Variants in AKAP8L observed in about 807,000 individuals in gnomAD.
AKAP8L encodes the protein A-kinase anchoring protein 8 like.
Under a neutral mutation model 77.5 loss-of-function variants are expected in AKAP8L, and 34 were observed. That is an observed-to-expected ratio of 0.44 (90% confidence interval 0.33 to 0.58). The LOEUF (loss-of-function observed/expected upper bound fraction) is 0.58. AKAP8L is among the 20% of genes least tolerant of loss of function. The probability of loss-of-function intolerance (pLI) is 0.02; values close to 1 mark genes in which losing one functional copy is unlikely to be tolerated. For missense variants in AKAP8L, 806 were observed against 887.6 expected (o/e 0.91, Z 1.17); for synonymous variants, 342 against 340.7 (o/e 1.00, Z -0.04).
At chr19:15,383,147 C>CAACT (rs1260437042) in intron 12 of AKAP8L, 1 of 152,200 alleles carries the variant, frequency 6.6e-6, no homozygotes, top group African/African-American at 2.4e-5. Flanking sequence ...ATTTGTGACT[C>CAACT]AACTACAAGG....
intron 12 of AKAP8L, among the ~76,000 whole-genome samples, chr19:15,389,639 T>G (rs1309504995): frequency 2.6e-5 from 4 of 152,046 alleles, no homozygotes; most frequent in Admixed American, 2.0e-4. Flanking sequence ...GGCATGGTGG[T>G]GTGCACCTGT....
chr19:15,403,958 C>A lies in AKAP8L; in HGVS notation c.121+52G>T. On this transcript the variant is annotated intron_variant, in intron 3 of 13. Transcript: ENST00000397410. This position sits in a 1 kb window ranked among gnomAD's most constrained non-coding sequence, Gnocchi z 4.3. The stretch of plus-strand genomic sequence containing the variant: ...CAAGCAGGGCAGTGGCAGAGAAACA[C>A]AGCCAGGACAACCCCAAGGGACAGG... 6.2e-7 allele frequency: 1 copy of A among 1,607,330 alleles called. No individual in the cohort carries two copies. Among genetic ancestry groups the A allele is most frequent in the Non-Finnish European group, 8.5e-7 (1 of 1,175,284 alleles).
Position 15,403,856 on chromosome 19 carries a change from G to A in AKAP8L, c.122-141C>T, listed in dbSNP as rs1485403424. ...TAGCCACTGAAGCTAGATGGGCCCTGGTCATTCTGATGAGGGCCTCCTGTT... is the reference window on the plus strand; with the variant it reads ...TAGCCACTGAAGCTAGATGGGCCCTAGTCATTCTGATGAGGGCCTCCTGTT... On this transcript the variant is annotated intron_variant, in intron 3 of 13. Coordinates refer to ENST00000397410, the MANE Select transcript of AKAP8L (RefSeq NM_014371.4). The surrounding 1 kb of genome is among the most constrained non-coding windows in gnomAD (Gnocchi z 4.3). 21 of 1,059,162 alleles carry A rather than the reference G, an allele frequency of 2.0e-5. No individual in the cohort carries two copies. The highest frequency in any genetic ancestry group is 2.7e-5 in the Non-Finnish European group (19 of 712,620). The allele number at this position is 1,059,162 out of a possible 1,614,324, so 65.6% of individuals were successfully genotyped here. A position where few individuals can be genotyped will look rare whatever the true frequency, so the allele number is the denominator to read the frequency against.
In AKAP8L at chr19:15,401,057, G is replaced by T. The variant is rs370735649; in HGVS notation, c.817-14C>A. On this transcript the variant is annotated splice_polypyrimidine_tract_variant and intron_variant, in intron 5 of 13. Coordinates refer to ENST00000397410, the MANE Select transcript of AKAP8L (RefSeq NM_014371.4). The surrounding 1 kb of genome is among the most constrained non-coding windows in gnomAD (Gnocchi z 6.2). ...CTTCTTCTTGGTCTGGGTCATAAGGGGGGGAAGCCGTGTCAGGGTGCATGG... is the reference window on the plus strand; with the variant it reads ...CTTCTTCTTGGTCTGGGTCATAAGGTGGGGAAGCCGTGTCAGGGTGCATGG... The T allele has an allele frequency of 1.7e-5, 27 of 1,611,288 alleles. No homozygotes were observed. The highest frequency in any genetic ancestry group is 1.6e-4 in the East Asian group (7 of 44,864).
intron 12 of AKAP8L, among the ~76,000 whole-genome samples, chr19:15,388,686 C>A (rs1475388736): frequency 2.0e-5 from 3 of 151,902 alleles, no homozygotes; most frequent in Non-Finnish European, 4.4e-5. Context: ...GAGGCCGAGG[C>A]GGGCAGATCA....
In AKAP8L at chr19:15,399,176, C is replaced by T. The variant is rs1021745768; in HGVS notation, c.1157+126G>A. ...CCTGGCGGGAAGCAGGGTCCATGCA[C>T]GGCCGAGCAGGTGGCGGCTCCCAAG... On this transcript the variant is annotated intron_variant, in intron 9 of 13. Transcript: ENST00000397410. The surrounding 1 kb of genome is among the most constrained non-coding windows in gnomAD (Gnocchi z 6.1). 1.4e-4 allele frequency: 116 copies of T among 815,594 alleles called. No individual in the cohort carries two copies. The highest frequency in any genetic ancestry group is 2.5e-4 in the Middle Eastern group (1 of 3,976). 50.5% of individuals were successfully genotyped at this position (815,594 alleles called of 1,614,324 possible). A position where few individuals can be genotyped will look rare whatever the true frequency, so the allele number is the denominator to read the frequency against.
Position 15,397,291 on chromosome 19 carries a change from G to A in AKAP8L, c.1406-11C>T, listed in dbSNP as rs1260023120. The A allele has an allele frequency of 6.2e-7, 1 of 1,613,814 alleles. No homozygotes were observed. The highest frequency in any genetic ancestry group is 8.5e-7 in the Non-Finnish European group (1 of 1,179,808). ...GCTCCATGGCAATTTCTGTAGTGGGGAGGAGGGAGTCACCACTGGGCCCAG... is the reference window on the plus strand; with the variant it reads ...GCTCCATGGCAATTTCTGTAGTGGGAAGGAGGGAGTCACCACTGGGCCCAG... On this transcript the variant is annotated splice_polypyrimidine_tract_variant and intron_variant, in intron 11 of 13. Transcript: ENST00000397410. This position sits in a 1 kb window ranked among gnomAD's most constrained non-coding sequence, Gnocchi z 4.7.
rs752510633 is a variant in AKAP8L, at chr19:15,397,197, T to C, written c.1489A>G (p.Ile497Val). 2 of 1,613,956 alleles carry C rather than the reference T, an allele frequency of 1.2e-6. No homozygotes were observed. Among genetic ancestry groups the C allele is most frequent in the East Asian group, 2.2e-5 (1 of 44,876 alleles). ...ATGGTCTTCAGATGCTTCTGGATGATCCCAAACTGCATGGGAATGAAGAGG... is the reference window on the plus strand; with the variant it reads ...ATGGTCTTCAGATGCTTCTGGATGACCCCAAACTGCATGGGAATGAAGAGG... ...CDLFIPMQFG[I>V]IQKHLKTMDH... Residue 497 changes from isoleucine to valine, a missense_variant, in exon 12 of 14, where the codon ATC becomes GTC. Physicochemically the swap from Ile to Val is conservative, Grantham distance 29. Transcript: ENST00000397410. This position sits in a 1 kb window ranked among gnomAD's most constrained non-coding sequence, Gnocchi z 4.7.
chr19:15,417,469 C>T (rs1189242848), intron 1 of AKAP8L, among the ~76,000 whole-genome samples: 1 of 152,114 alleles, frequency 6.6e-6, no homozygotes, highest in Non-Finnish European at 1.5e-5. Flanking sequence ...GCATCCCAAA[C>T]CTCCATCCAC....
intron 12 of AKAP8L, among the ~76,000 whole-genome samples, chr19:15,384,934 G>C (rs1002081235): frequency 6.6e-6 from 1 of 150,974 alleles, no homozygotes; most frequent in South Asian, 2.1e-4. Flanking sequence ...GCAGTGGCGC[G>C]ATATCAGCTC....
chr19:15,397,732 C>T lies in AKAP8L; in HGVS notation c.1281G>A (p.Gln427=). The T allele has an allele frequency of 6.2e-7, 1 of 1,614,016 alleles. No homozygotes were observed. The highest frequency in any genetic ancestry group is 1.1e-5 in the South Asian group (1 of 91,082). Residue 427 remains glutamine (Q), a synonymous_variant, in exon 10 of 14, where the codon CAG becomes CAA. Coordinates refer to ENST00000397410, the MANE Select transcript of AKAP8L (RefSeq NM_014371.4). This position sits in a 1 kb window ranked among gnomAD's most constrained non-coding sequence, Gnocchi z 4.7. ...GGCTCACCTGCAGAAAGTCAGCCGTCTGCTTAGGGAGCTTGGTGCCTACGT... is the reference window on the plus strand; with the variant it reads ...GGCTCACCTGCAGAAAGTCAGCCGTTTGCTTAGGGAGCTTGGTGCCTACGT... The part of the protein sequence containing the change: ...FKYVGTKLPK[Q]TADFLQEYVT...
rs758408137 is a variant in AKAP8L, at chr19:15,380,139, C to T, written c.1924G>A (p.Gly642Ser). ...GLDVEDDEEG[G>S]GGAP ...AGCTCGGGTCACGGGGCGCCCCCGC[C>T]GCCCTCCTCGTCGTCCTCCACGTCG... The change falls in exon 14 of 14, where the codon GGC becomes AGC. Residue 642 changes from glycine to serine, a missense_variant. Gly to Ser is a moderately conservative substitution (Grantham distance 56, BLOSUM62 0). Transcript: ENST00000397410. 1.7e-4 allele frequency: 250 copies of T among 1,498,716 alleles called. No individual in the cohort carries two copies. The highest frequency in any genetic ancestry group is 2.2e-4 in the Non-Finnish European group (245 of 1,132,982). The allele number at this position is 1,498,716 out of a possible 1,614,324, so 92.8% of individuals were successfully genotyped here.
chr19:15,388,151 A>T (rs1242102316), intron 12 of AKAP8L, among the ~76,000 whole-genome samples: 1 of 151,902 alleles, frequency 6.6e-6, no homozygotes, highest in Non-Finnish European at 1.5e-5. Context: ...CCTCCCTCCA[A>T]GACACACCAC....
At chr19:15,402,901 G>A (rs1272434327) in intron 4 of AKAP8L, among the ~76,000 whole-genome samples, 4 of 152,198 alleles carry the variant, frequency 2.6e-5, no homozygotes, top group Non-Finnish European at 5.9e-5. Flanking sequence ...TGCCTTCAGG[G>A]TATGACCTGC....
In AKAP8L at chr19:15,403,751, G is replaced by A; in HGVS notation, c.122-36C>T. ...GGAGACAGAGACAGACAGATGGTGG[G>A]GGCAGGCAGAGGGGAGGCAGACAGA... On this transcript the variant is annotated intron_variant, in intron 3 of 13. Coordinates refer to ENST00000397410, the MANE Select transcript of AKAP8L (RefSeq NM_014371.4). The surrounding 1 kb of genome is among the most constrained non-coding windows in gnomAD (Gnocchi z 4.3). 6.6e-7 allele frequency: 1 copy of A among 1,510,992 alleles called. No homozygotes were observed. The highest frequency in any genetic ancestry group is 9.0e-7 in the Non-Finnish European group (1 of 1,107,938). The allele number at this position is 1,510,992 out of a possible 1,614,324, so 93.6% of individuals were successfully genotyped here. A position where few individuals can be genotyped will look rare whatever the true frequency, so the allele number is the denominator to read the frequency against.
chr19:15,397,114 C>A lies in AKAP8L; in HGVS notation c.1536+36G>T, dbSNP rs1599603290. On this transcript the variant is annotated intron_variant, in intron 12 of 13. Transcript: ENST00000397410. This position sits in a 1 kb window ranked among gnomAD's most constrained non-coding sequence, Gnocchi z 4.7. The stretch of plus-strand genomic sequence containing the variant: ...CTCCCCAGAGGCCTCACTCAATCTA[C>A]CCACAGGACAGAGGGAGAGCACTGT... The A allele has an allele frequency of 6.2e-7, 1 of 1,610,218 alleles. No homozygotes were observed. Among genetic ancestry groups the A allele is most frequent in the East Asian group, 2.2e-5 (1 of 44,770 alleles).
chr19:15,389,471 C>T (rs1173226017), intron 12 of AKAP8L, among the ~76,000 whole-genome samples: 1 of 151,696 alleles, frequency 6.6e-6, no homozygotes, highest in African/African-American at 2.4e-5. Flanking sequence ...AACCTGTAAT[C>T]TATACATCAA....
At chr19:15,395,572 CA>C (rs1334371943) in intron 12 of AKAP8L, among the ~76,000 whole-genome samples, 1 of 151,552 alleles carries the variant, frequency 6.6e-6, no homozygotes, top group Non-Finnish European at 1.5e-5. Context: ...CTTAGCCTCC[CA>C]AAGTGCTGGG....
Position 15,401,126 on chromosome 19 carries a change from G to A in AKAP8L, c.816+24C>T, listed in dbSNP as rs1377684276. ...GCCCCAGTGGGAACTAAGCTTCCCA[G>A]AGGGGAAGGCTGCCTCCACTCACTC... On this transcript the variant is annotated intron_variant, in intron 5 of 13. Coordinates refer to ENST00000397410, the MANE Select transcript of AKAP8L (RefSeq NM_014371.4). The surrounding 1 kb of genome is among the most constrained non-coding windows in gnomAD (Gnocchi z 6.2). 1.2e-6 allele frequency: 2 copies of A among 1,605,926 alleles called. No homozygotes were observed. The highest frequency in any genetic ancestry group is 2.2e-5 in the East Asian group (1 of 44,850).
Sources: gnomAD v4.1 joint callset for allele counts (sites outside exome capture counted in the v4.1 genomes callset) on GRCh38, gnomAD v4.1.1 for gene constraint, Gnocchi (gnomAD v3.1) non-coding constraint, MANE v1.5 for transcripts, NCBI Gene and HGNC (gene_info 2026-07-23, HGNC 2026-07-21) for gene names.